Variants in HTR7 observed in about 807,000 individuals in gnomAD.
The protein encoded by HTR7 is 5-hydroxytryptamine receptor 7.
A neutral mutation model predicts 34.0 loss-of-function variants in HTR7; 16 were observed. That is an observed-to-expected ratio of 0.47 (90% CI 0.32 to 0.71). HTR7 has a LOEUF of 0.71. Ranked by LOEUF, HTR7 falls within the 30% of genes least tolerant of loss-of-function variation. The pLI is 0.04. For missense variants in HTR7, 504 were observed against 625.5 expected (o/e 0.81, Z 2.07); for synonymous variants, 265 against 260.2 (o/e 1.02, Z -0.18).
chr10:90,755,993 G>A (rs1371729647), intron 1 of HTR7, among the ~76,000 whole-genome samples: 1 of 152,164 alleles, frequency 6.6e-6, no homozygotes, highest in African/African-American at 2.4e-5. Context: ...AGTAGAATAA[G>A]TACATAAACT....
chr10:90,851,584 G>A (rs1490990278), intron 1 of HTR7, among the ~76,000 whole-genome samples: 6 of 117,336 alleles, frequency 5.1e-5, no homozygotes, highest in African/African-American at 1.0e-4. Flanking sequence ...CAGCCTGGGC[G>A]ACAGAGTGAG....
intron 1 of HTR7, among the ~76,000 whole-genome samples, chr10:90,764,354 ATTAG>A (rs1392882519): frequency 6.6e-6 from 1 of 152,176 alleles, no homozygotes; most frequent in Non-Finnish European, 1.5e-5. Context: ...GATTCTGGAT[ATTAG>A]ACCCTTGTCA....
Position 90,742,487 on chromosome 10 carries a change from C to G in HTR7, c.1435G>C (p.Asp479His). ...TTVEKKVMIH[D>H] The stretch of plus-strand genomic sequence containing the variant: ...TCATCTCCATTGTTCTGCTTTCAAT[C>G]ATGAATCATGACCTTTTTTTCTACA... Residue 479 changes from aspartate (D) to histidine (H), a missense_variant, in exon 4 of 4, where the codon GAT becomes CAT. By Grantham distance (81) the Asp-to-His change is moderately conservative (BLOSUM62 -1). This residue lies in a region of HTR7 where 154 missense variants were observed against 212.1 expected (regional missense o/e 0.73). Coordinates refer to ENST00000336152, the MANE Select transcript of HTR7 (RefSeq NM_019859.4). 6.2e-7 allele frequency: 1 copy of G among 1,601,052 alleles called. No individual in the cohort carries two copies. Among genetic ancestry groups the G allele is most frequent in the Non-Finnish European group, 8.5e-7 (1 of 1,174,520 alleles).
At chr10:90,808,430 C>A (rs993440004) in intron 1 of HTR7, among the ~76,000 whole-genome samples, 8 of 152,154 alleles carry the variant, frequency 5.3e-5, no homozygotes, top group African/African-American at 1.7e-4. Context: ...GCAAGTCCTG[C>A]TTTTCTGGGG....
At chr10:90,745,975 A>G (rs1248679430) in intron 2 of HTR7, among the ~76,000 whole-genome samples, 1 of 152,212 alleles carries the variant, frequency 6.6e-6, no homozygotes, top group Non-Finnish European at 1.5e-5. Context: ...TACAAAGGCA[A>G]ATATCTTTAG....
chr10:90,817,148 A>T (rs994161849), intron 1 of HTR7, among the ~76,000 whole-genome samples: 1 of 152,218 alleles, frequency 6.6e-6, no homozygotes, highest in Non-Finnish European at 1.5e-5. Context: ...AGGGGGAAAA[A>T]TGAGAAATAA....
intron 1 of HTR7, among the ~76,000 whole-genome samples, chr10:90,812,135 T>C (rs1845820773): frequency 6.6e-6 from 1 of 152,234 alleles, no homozygotes; most frequent in Non-Finnish European, 1.5e-5. Context: ...CTCAGAATGC[T>C]ACAGGGTACA....
intron 1 of HTR7, among the ~76,000 whole-genome samples, chr10:90,840,421 T>G: frequency 6.6e-6 from 1 of 152,176 alleles, no homozygotes; most frequent in East Asian, 1.9e-4. Context: ...AGTGATCAGA[T>G]AGGCTGCTTC....
At chr10:90,834,389 G>GA (rs1846223652) in intron 1 of HTR7, among the ~76,000 whole-genome samples, 1 of 151,848 alleles carries the variant, frequency 6.6e-6, no homozygotes, top group South Asian at 2.1e-4. Context: ...AAATTCGGGG[G>GA]GTGGGGGAAA....
rs1290472609 is a variant in HTR7 at position 90,832,468 on chromosome 10, C to T, written c.539+24665G>A. On this transcript the variant is annotated intron_variant, in intron 1 of 3. Transcript: ENST00000336152. ...GGGTGGCAGGGCCAGCCGGCTGCTC[C>T]GAGTGCGGGCCCGCCAAGCCCACGC... Among the ~76,000 whole-genome samples the T allele has an allele frequency of 2.2e-4, 34 of 152,278 alleles. No homozygotes were observed. The South Asian group carries it at 2.3e-3, about 10-fold the overall frequency.
chr10:90,762,298 T>A (rs1455435239), intron 1 of HTR7, among the ~76,000 whole-genome samples: 10 of 152,156 alleles, frequency 6.6e-5, no homozygotes, highest in Non-Finnish European at 1.5e-5. Flanking sequence ...CGAACACTCG[T>A]TATTTCTTGT....
Position 90,743,584 on chromosome 10 carries a change from G to C in HTR7, c.1393+9C>G, listed in dbSNP as rs1844587448. The C allele has an allele frequency of 6.2e-7, 1 of 1,607,416 alleles. No individual in the cohort carries two copies. The highest frequency in any genetic ancestry group is 1.7e-5 in the Admixed American group (1 of 59,960). On this transcript the variant is annotated intron_variant, in intron 3 of 3. Transcript: ENST00000336152. ...CTATCTCCAAAGTCTCCCTTTCCTTGCTACCCACCTGCTAACCAATTGTGA... is the reference window on the plus strand; with the variant it reads ...CTATCTCCAAAGTCTCCCTTTCCTTCCTACCCACCTGCTAACCAATTGTGA...
At position 90,857,469 on chromosome 10, in the gene HTR7, G is replaced by A; in HGVS notation, c.203C>T (p.Ser68Phe). 1 of 1,613,830 alleles carries A rather than the reference G, an allele frequency of 6.2e-7. No homozygotes were observed. The highest frequency in any genetic ancestry group is 8.5e-7 in the Non-Finnish European group (1 of 1,180,024). Residue 68 changes from serine (S) to phenylalanine (F), a missense_variant, in exon 1 of 4, where the codon TCC (serine) becomes TTC (phenylalanine). Ser to Phe is a radical substitution (Grantham distance 155). Around this residue, in one of 4 missense-constraint regions of HTR7, gnomAD observed 139 missense variants for 117.1 expected, o/e 1.19. Coordinates refer to ENST00000336152, the MANE Select transcript of HTR7 (RefSeq NM_019859.4). The surrounding 1 kb of genome is among the most constrained non-coding windows in gnomAD (Gnocchi z 6.5). ...GTAGTTGATCTGTTCCCCACAGCCG[G>A]AGGCATTGTCCGGGGGCGCGTCCCA... ...PTWDAPPDNA[S>F]GCGEQINYGR...
At chr10:90,794,295 A>G (rs571191074) in intron 1 of HTR7, among the ~76,000 whole-genome samples, 3 of 152,268 alleles carry the variant, frequency 2.0e-5, no homozygotes, top group East Asian at 3.9e-4. Context: ...CTCTTGCGAT[A>G]AAAAATAGCT....
intron 1 of HTR7, among the ~76,000 whole-genome samples, chr10:90,838,129 A>G (rs1441031859): frequency 1.3e-5 from 2 of 152,122 alleles, no homozygotes; most frequent in Non-Finnish European, 2.9e-5. Context: ...TTTTACCTCT[A>G]GTCCTGACTT....
chr10:90,815,121 TCA>T (rs1845878937), intron 1 of HTR7, among the ~76,000 whole-genome samples: 1 of 151,744 alleles, frequency 6.6e-6, no homozygotes, highest in African/African-American at 2.4e-5. Flanking sequence ...AGATGTAGTC[TCA>T]CTCTGTTGCC....
intron 1 of HTR7, among the ~76,000 whole-genome samples, chr10:90,808,946 T>C (rs1468422001): frequency 6.6e-6 from 1 of 152,172 alleles, no homozygotes; most frequent in East Asian, 1.9e-4. Context: ...GTGCCTGACG[T>C]CCAGGCATTC....
intron 1 of HTR7, among the ~76,000 whole-genome samples, chr10:90,832,702 C>T (rs562568642): frequency 6.6e-5 from 10 of 152,258 alleles, no homozygotes; most frequent in Admixed American, 3.9e-4. Context: ...CGAGAGTGAG[C>T]GAGGGCTGTG....
chr10:90,756,082 C>T (rs913295710), intron 1 of HTR7, among the ~76,000 whole-genome samples: 1 of 152,168 alleles, frequency 6.6e-6, no homozygotes, highest in African/African-American at 2.4e-5. Flanking sequence ...ATGATTTTCA[C>T]AAACATAAGC....
Sources: allele counts gnomAD v4.1 joint callset (sites outside exome capture counted in the v4.1 genomes callset), GRCh38; gene constraint gnomAD v4.1.1; regional missense constraint gnomAD v4.1.1; non-coding constraint Gnocchi (gnomAD v3.1); transcripts MANE v1.5; gene names NCBI Gene and HGNC (gene_info 2026-07-23, HGNC 2026-07-21).